LAMA2: variants seen among roughly 807,000 people sequenced by gnomAD.
The protein encoded by LAMA2 is laminin subunit alpha 2, also known as laminin subunit alpha-2.
In LAMA2, 269 loss-of-function variants were observed where a neutral mutation model predicts 364.8. The observed-to-expected ratio is 0.74, with a 90% CI of 0.67 to 0.82. LAMA2 has a LOEUF of 0.82. Among genes scored for constraint, LAMA2 ranks in the 40% least tolerant of loss-of-function variants. The pLI, the probability that LAMA2 is intolerant of heterozygous loss-of-function variation, is 0.00. For missense variants in LAMA2, 3,807 were observed against 3,873.2 expected (o/e 0.98, Z 0.45); for synonymous variants, 1,379 against 1,370.6 (o/e 1.01, Z -0.14).
chr6:129,294,511 A>G lies in LAMA2; in HGVS notation c.2856+2791A>G, dbSNP rs111908525. Among the ~76,000 whole-genome samples, 590 of 152,244 alleles carry G rather than the reference A, an allele frequency of 3.9e-3. 4 individuals are homozygous for G. The highest frequency in any genetic ancestry group is 6.7e-3 in the Admixed American group (103 of 15,286). ...GAGGAAACTCTCTGAGGCCTCTTTTATAAGTGCAGTGATCCCATTCATGAG... is the reference window on the plus strand; with the variant it reads ...GAGGAAACTCTCTGAGGCCTCTTTTGTAAGTGCAGTGATCCCATTCATGAG... On this transcript the variant is annotated intron_variant, in intron 20 of 64. Coordinates refer to ENST00000421865, the MANE Select transcript of LAMA2 (RefSeq NM_000426.4).
At chr6:129,080,166 C>T in intron 3 of LAMA2, among the ~76,000 whole-genome samples, 1 of 152,092 alleles carries the variant, frequency 6.6e-6, no homozygotes, top group East Asian at 1.9e-4. Context: ...AACTTTTCAA[C>T]TCCGTAAGAA....
chr6:129,113,573 G>A (rs1045536432), intron 4 of LAMA2, among the ~76,000 whole-genome samples: 1 of 151,788 alleles, frequency 6.6e-6, no homozygotes, highest in Non-Finnish European at 1.5e-5. Context: ...AAGCAACATG[G>A]GCCATTTAAA....
At chr6:129,217,430 G>A (rs1374107153) in intron 12 of LAMA2, among the ~76,000 whole-genome samples, 1 of 152,014 alleles carries the variant, frequency 6.6e-6, no homozygotes, top group African/African-American at 2.4e-5. Flanking sequence ...TCTCCTCCAG[G>A]TTAGATTGAG....
At chr6:129,432,050 A>T (rs1781622884) in intron 41 of LAMA2, among the ~76,000 whole-genome samples, 1 of 152,208 alleles carries the variant, frequency 6.6e-6, no homozygotes. Flanking sequence ...GAATTTGCAT[A>T]TTACCCTTTG....
At chr6:129,247,028 A>G (rs1037953903) in intron 12 of LAMA2, among the ~76,000 whole-genome samples, 5 of 152,198 alleles carry the variant, frequency 3.3e-5, no homozygotes, top group Non-Finnish European at 7.4e-5. Context: ...GCTTGATTTT[A>G]CAGCTTATGG....
Position 129,098,256 on chromosome 6 carries a change from T to G in LAMA2, c.480T>G (p.Asp160Glu). 2 of 1,614,146 alleles carry G rather than the reference T, an allele frequency of 1.2e-6. No individual in the cohort carries two copies. The highest frequency in any genetic ancestry group is 1.1e-5 in the South Asian group (1 of 91,088). The change falls in exon 4 of 65, where the codon GAT becomes GAG. Residue 160 changes from aspartate (D) to glutamate (E), a missense_variant. Asp to Glu is a conservative substitution (Grantham distance 45). This residue lies in a region of LAMA2 where 394 missense variants were observed against 403.5 expected (regional missense o/e 0.98). Coordinates refer to ENST00000421865, the MANE Select transcript of LAMA2 (RefSeq NM_000426.4). ...GGATTTTGGAACGCTCTCTTGATGA[T>G]GTTGAATACAAGCCCTGGCAGTATC... is the stretch of plus-strand genomic sequence containing the variant. The part of the protein sequence containing the change: ...GNWILERSLD[D>E]VEYKPWQYHA...
Position 129,482,686 on chromosome 6 carries a change from A to G in LAMA2, c.7749+1247A>G, listed in dbSNP as rs990447007. 5.3e-5 allele frequency among the ~76,000 whole-genome samples: 8 copies of G among 152,244 alleles called. No individual in the cohort carries two copies. In the South Asian group the frequency reaches 6.2e-4, roughly 12 times the overall value. The stretch of plus-strand genomic sequence containing the variant: ...AAAAAATACAAAGCCCACACAAAAT[A>G]TTCACAAAGAGAACCCAAAGATGTA... On this transcript the variant is annotated intron_variant, in intron 55 of 64. Transcript: ENST00000421865.
At chr6:129,134,031 C>T (rs1473339262) in intron 4 of LAMA2, among the ~76,000 whole-genome samples, 3 of 152,138 alleles carry the variant, frequency 2.0e-5, no homozygotes, top group Non-Finnish European at 4.4e-5. Flanking sequence ...CCTCCTGCTC[C>T]AAGATTTTAT....
chr6:129,031,546 G>T (rs1403673300), intron 1 of LAMA2, among the ~76,000 whole-genome samples: 1 of 152,132 alleles, frequency 6.6e-6, no homozygotes, highest in East Asian at 1.9e-4. Flanking sequence ...TATTTTCCAA[G>T]ATGGAAAATG....
chr6:129,328,163 G>T (rs1775413081), intron 28 of LAMA2, 115 bp from the exon 29 acceptor site: 2 of 867,478 alleles, frequency 2.3e-6, no homozygotes, highest in African/African-American at 1.6e-5. Context: ...AAGTGATGTT[G>T]CCCCTGCCGC....
At chr6:129,267,696 G>A (rs976701144) in intron 16 of LAMA2, among the ~76,000 whole-genome samples, 1 of 151,906 alleles carries the variant, frequency 6.6e-6, no homozygotes, top group Non-Finnish European at 1.5e-5. Context: ...TTAACTAAAT[G>A]CATAGTGTCA....
chr6:129,192,011 G>C (rs181683912), intron 11 of LAMA2, among the ~76,000 whole-genome samples: 231 of 152,230 alleles, frequency 1.5e-3, no homozygotes, highest in Non-Finnish European at 2.7e-3. Flanking sequence ...TCCATTTCTG[G>C]GCCAGGGATC....
chr6:128,893,630 A>T (rs1384883424), intron 1 of LAMA2, among the ~76,000 whole-genome samples: 2 of 151,958 alleles, frequency 1.3e-5, no homozygotes, highest in East Asian at 1.9e-4. Flanking sequence ...CAGTGAAATT[A>T]TAAAACTATC....
At chr6:129,363,183 A>C (rs1777565782) in intron 32 of LAMA2, among the ~76,000 whole-genome samples, 1 of 152,146 alleles carries the variant, frequency 6.6e-6, no homozygotes, top group South Asian at 2.1e-4. Flanking sequence ...ATGTGCCTGT[A>C]GTCTCAACCA....
chr6:128,953,292 C>A (rs1048730914), intron 1 of LAMA2, among the ~76,000 whole-genome samples: 5 of 152,128 alleles, frequency 3.3e-5, no homozygotes, highest in African/African-American at 9.7e-5. Flanking sequence ...GTGTGAAAAA[C>A]TATCTTCTTG....
chr6:129,141,107 C>T (rs1245070974), intron 4 of LAMA2, among the ~76,000 whole-genome samples: 1 of 152,002 alleles, frequency 6.6e-6, no homozygotes, highest in Non-Finnish European at 1.5e-5. Context: ...CGATTTCCTC[C>T]TTTCTTTCAA....
intron 1 of LAMA2, among the ~76,000 whole-genome samples, chr6:128,977,206 C>A (rs541023249): frequency 4.0e-5 from 6 of 151,308 alleles, no homozygotes; most frequent in Admixed American, 4.0e-4. Flanking sequence ...GTTCCTCCCC[C>A]TCTCTGTTTC....
intron 32 of LAMA2, among the ~76,000 whole-genome samples, chr6:129,360,562 T>TTA (rs1777403453): frequency 6.6e-6 from 1 of 152,200 alleles, no homozygotes; most frequent in Non-Finnish European, 1.5e-5. Context: ...GTTAGTATAT[T>TTA]GCTTGGAGCG....
chr6:128,963,226 T>G (rs1239145394), intron 1 of LAMA2, among the ~76,000 whole-genome samples: 1 of 152,112 alleles, frequency 6.6e-6, no homozygotes, highest in Non-Finnish European at 1.5e-5. Context: ...CTTCCCTTAT[T>G]GATACTAAGA....
Sources: gnomAD v4.1 joint callset for allele counts (sites outside exome capture counted in the v4.1 genomes callset) on GRCh38, gnomAD v4.1.1 for gene constraint, gnomAD v4.1.1 regional missense constraint, MANE v1.5 for transcripts, NCBI Gene and HGNC (gene_info 2026-07-23, HGNC 2026-07-21) for gene names.